GAS6: variants seen among roughly 807,000 people sequenced by gnomAD.
GAS6 encodes growth arrest specific 6, also known as growth arrest-specific protein 6.
Under a neutral mutation model 75.8 loss-of-function variants are expected in GAS6, and 41 were observed. That is an observed-to-expected ratio of 0.54 (90% CI 0.42 to 0.70). The LOEUF (loss-of-function observed/expected upper bound fraction) is 0.70. Among genes scored for constraint, GAS6 ranks in the 30% least tolerant of loss-of-function variants. GAS6 has a pLI of 0.00. For missense variants in GAS6, 854 were observed against 940.2 expected, an observed-to-expected ratio of 0.91 and a Z score of 1.20; for synonymous variants, 432 against 412.6, an observed-to-expected ratio of 1.05 and a Z score of -0.57.
chr13:113,860,805 A>T (rs969975140), intron 2 of GAS6, among the ~76,000 whole-genome samples: 41 of 152,236 alleles, frequency 2.7e-4, no homozygotes, highest in African/African-American at 8.4e-4. Flanking sequence ...TGTCCCTTCC[A>T]GCAGAACAGG....
chr13:113,852,767 G>A (rs370976682), intron 2 of GAS6, among the ~76,000 whole-genome samples: 1 of 152,246 alleles, frequency 6.6e-6, no homozygotes, highest in Non-Finnish European at 1.5e-5. Context: ...AGGGTTCCCA[G>A]GATGGGTCGG....
At chr13:113,831,169 C>T (rs1348040111) in intron 10 of GAS6, among the ~76,000 whole-genome samples, 1 of 152,230 alleles carries the variant, frequency 6.6e-6, no homozygotes, top group African/African-American at 2.4e-5. Context: ...GCACGTTTTA[C>T]CGCTGCCCAC....
rs1413702732 is a variant in GAS6 at position 113,835,594 on chromosome 13, G to C, written c.631C>G (p.Arg211Gly). 2 of 1,612,292 alleles carry C rather than the reference G, an allele frequency of 1.2e-6. No individual in the cohort carries two copies. Among genetic ancestry groups the C allele is most frequent in the African/African-American group, 1.3e-5 (1 of 74,878 alleles). Reference sequence around the variant, plus strand: ...TAGGAGCCGGGCAGGTTCTTGCAGCGCGCCTCCCCGCAGGCCTCCGAGTCT... The same window carrying C: ...TAGGAGCCGGGCAGGTTCTTGCAGCCCGCCTCCCCGCAGGCCTCCGAGTCT... ...CADSEACGEA[R>G]CKNLPGSYSC... The change falls in exon 7 of 15, where the codon CGC (arginine) becomes GGC (glycine). Residue 211 changes from arginine to glycine, a missense_variant. Arg to Gly is a moderately radical substitution (Grantham distance 125). Coordinates refer to ENST00000327773, the MANE Select transcript of GAS6 (RefSeq NM_000820.4).
rs1201438924 is a variant in GAS6, at chr13:113,826,544, C to T, written c.1477+452G>A. The stretch of plus-strand genomic sequence containing the variant: ...CTCTCCCCGGCCTCCCGGCGCCGGC[C>T]TCGCAGGCACCTTCTCTCCCCGGCC... On this transcript the variant is annotated intron_variant, in intron 12 of 14. Transcript: ENST00000327773. 3.3e-3 allele frequency among the ~76,000 whole-genome samples: 141 copies of T among 42,680 alleles called. 3 individuals carry two copies. The highest frequency in any genetic ancestry group is 0.018 in the African/African-American group (97 of 5,542). 28.0% of individuals were successfully genotyped at this position (42,680 alleles called of 152,430 possible). A position where few individuals can be genotyped will look rare whatever the true frequency, so the allele number is the denominator to read the frequency against.
intron 8 of GAS6, 166 bp from the exon 9 acceptor site, chr13:113,832,918 T>C (rs1196666294): frequency 1.5e-5 from 23 of 1,503,596 alleles, no homozygotes; most frequent in Non-Finnish European, 2.0e-5. Context: ...CCTGCCCCAC[T>C]GGGACTCCCA....
intron 2 of GAS6, among the ~76,000 whole-genome samples, chr13:113,857,846 G>A (rs1170641875): frequency 6.6e-6 from 1 of 152,270 alleles, no homozygotes; most frequent in Non-Finnish European, 1.5e-5. Flanking sequence ...GGCTGCCTCT[G>A]AGAAAGCCCC....
intron 2 of GAS6, among the ~76,000 whole-genome samples, chr13:113,861,199 C>G (rs1350659812): frequency 6.6e-6 from 1 of 152,226 alleles, no homozygotes; most frequent in Non-Finnish European, 1.5e-5. Flanking sequence ...CTGGCTCCAG[C>G]TGTCCCTTCC....
chr13:113,839,717 G>C lies in GAS6; in HGVS notation c.466+11C>G. The stretch of plus-strand genomic sequence containing the variant: ...GAGGGAGACCCCGCCTTTGTCTTCA[G>C]CCTCACGTACCTTTGTCGCAGAGCC... On this transcript the variant is annotated intron_variant, in intron 5 of 14. Transcript: ENST00000327773. The C allele has an allele frequency of 6.2e-7, 1 of 1,613,006 alleles. No individual in the cohort carries two copies. Among genetic ancestry groups the C allele is most frequent in the Non-Finnish European group, 8.5e-7 (1 of 1,179,324 alleles).
chr13:113,846,335 T>C (rs1479634634), intron 4 of GAS6, among the ~76,000 whole-genome samples, 192 bp downstream of exon 4: 2 of 152,260 alleles, frequency 1.3e-5, no homozygotes, highest in Non-Finnish European at 2.9e-5. Context: ...TGTGCATTTA[T>C]TGCCTATTGC....
At chr13:113,824,799 C>T (rs7399637) in intron 12 of GAS6, among the ~76,000 whole-genome samples, 74,064 of 151,848 alleles carry the variant, frequency 0.49, 18,976 homozygotes, top group African/African-American at 0.64. Flanking sequence ...TTTATGGCAC[C>T]GAAACACACA....
intron 2 of GAS6, among the ~76,000 whole-genome samples, chr13:113,860,932 C>G (rs998848499): frequency 6.6e-6 from 1 of 151,670 alleles, no homozygotes; most frequent in Non-Finnish European, 1.5e-5. Context: ...AACCAGGAAG[C>G]AGCCCCAGCT....
chr13:113,833,443 A>C (rs2051654787), intron 8 of GAS6: 48 of 990,766 alleles, frequency 4.8e-5, no homozygotes, highest in Non-Finnish European at 5.6e-5. Flanking sequence ...GACTCTTTCC[A>C]CCTGTGGTTT....
Position 113,858,847 on chromosome 13 carries a change from ATG to A in GAS6, c.255+4726_255+4727del, listed in dbSNP as rs994546911. ...CATGTATGTGTACATGTCTGTTAGT[ATG>A]TGTGTCATTATGCATGTGTGTACAT... On this transcript the variant is annotated intron_variant, in intron 2 of 14. Coordinates refer to ENST00000327773, the MANE Select transcript of GAS6 (RefSeq NM_000820.4). 3.2e-4 allele frequency among the ~76,000 whole-genome samples: 34 copies of A among 107,864 alleles called. 1 individual carries two copies. The highest frequency in any genetic ancestry group is 1.1e-3 in the East Asian group (5 of 4,482). The allele number at this position is 107,864 out of a possible 152,430, so 70.8% of individuals were successfully genotyped here.
chr13:113,838,254 A>G (rs1199407991), intron 5 of GAS6, 63 bp from the exon 6 acceptor site: 3 of 1,592,552 alleles, frequency 1.9e-6, no homozygotes, highest in Admixed American at 3.4e-5. Context: ...TACGGTAGGA[A>G]GAGATCCCAG....
At chr13:113,839,142 G>A (rs118174577) in intron 5 of GAS6, 1 of 157,408 alleles carries the variant, frequency 6.4e-6, no homozygotes, top group Non-Finnish European at 1.4e-5. Context: ...GGCCAGGCCA[G>A]AGCTGGCCAC....
chr13:113,834,519 G>A (rs1208143833), intron 8 of GAS6, 32 bp downstream of exon 8: 17 of 1,497,226 alleles, frequency 1.1e-5, no homozygotes, highest in East Asian at 2.5e-5. Context: ...CGGAACCACC[G>A]TGAAGGGCCC....
intron 8 of GAS6, among the ~76,000 whole-genome samples, chr13:113,834,055 C>T (rs544076524): frequency 2.8e-4 from 36 of 130,428 alleles, no homozygotes; most frequent in Non-Finnish European, 5.0e-4. Flanking sequence ...TGATAGGCCC[C>T]GGTGTGACAG....
chr13:113,859,426 T>C (rs531700208), intron 2 of GAS6, among the ~76,000 whole-genome samples: 1 of 150,802 alleles, frequency 6.6e-6, no homozygotes, highest in South Asian at 2.1e-4. Context: ...GCCTTGTATG[T>C]GCATGTCTGG....
In GAS6 at chr13:113,863,502, GCTGC is replaced by G; in HGVS notation, c.255+69_255+72del. ...CGCGGAGCTGGGGGGCGGCAGCAGC[GCTGC>G]CTCTCGGGAGCGGTTGGAGGCGCGC... On this transcript the variant is annotated intron_variant, in intron 2 of 14. Coordinates refer to ENST00000327773, the MANE Select transcript of GAS6 (RefSeq NM_000820.4). The surrounding 1 kb of genome is among the most constrained non-coding windows in gnomAD (Gnocchi z 9.4). The G allele has an allele frequency of 7.2e-7, 1 of 1,397,092 alleles. No homozygotes were observed. The allele number at this position is 1,397,092 out of a possible 1,614,324, so 86.5% of individuals were successfully genotyped here.
Sources: allele counts gnomAD v4.1 joint callset (sites outside exome capture counted in the v4.1 genomes callset), GRCh38; gene constraint gnomAD v4.1.1; non-coding constraint Gnocchi (gnomAD v3.1); transcripts MANE v1.5; gene names NCBI Gene and HGNC (gene_info 2026-07-23, HGNC 2026-07-21).